Variants in CDH4 observed in about 807,000 individuals in gnomAD.
CDH4 encodes the protein cadherin 4.
Under a neutral mutation model 86.0 loss-of-function variants are expected in CDH4, and 33 were observed. That is an observed-to-expected ratio of 0.38 (90% CI 0.29 to 0.51). The LOEUF is 0.51. Among genes scored for constraint, CDH4 ranks in the 20% least tolerant of loss-of-function variants. The pLI, the probability that CDH4 is intolerant of heterozygous loss-of-function variation, is 0.86. For missense variants in CDH4, 1,114 were observed against 1,307.4 expected, an observed-to-expected ratio of 0.85 and a Z score of 2.28; for synonymous variants, 555 against 549.4, an observed-to-expected ratio of 1.01 and a Z score of -0.14.
At chr20:61,701,376 A>T (rs1254309211) in intron 2 of CDH4, among the ~76,000 whole-genome samples, 4 of 152,230 alleles carry the variant, frequency 2.6e-5, no homozygotes, top group Non-Finnish European at 5.9e-5. Context: ...GAGTGAATGG[A>T]TGTCAGGGTC....
chr20:61,546,373 G>A (rs2086087164), intron 2 of CDH4, among the ~76,000 whole-genome samples: 1 of 151,536 alleles, frequency 6.6e-6, no homozygotes, highest in African/African-American at 2.4e-5. Context: ...TGGGTGTAGG[G>A]GTGAGGTATG....
chr20:61,517,714 C>G lies in CDH4; in HGVS notation c.170-225849C>G, dbSNP rs753304204. ...GAGGGGTTGTCGGACGTGTTCAGGA[C>G]AGGAACAGCACACTCAAGGTCACCA... On this transcript the variant is annotated intron_variant, in intron 2 of 15. Transcript: ENST00000614565. This position sits in a 1 kb window ranked among gnomAD's most constrained non-coding sequence, Gnocchi z 6.6. Among the ~76,000 whole-genome samples the G allele has an allele frequency of 7.2e-5, 11 of 152,168 alleles. No homozygotes were observed. Among genetic ancestry groups the G allele is most frequent in the Non-Finnish European group, 1.5e-4 (10 of 68,030 alleles).
intron 2 of CDH4, among the ~76,000 whole-genome samples, chr20:61,462,183 C>T (rs1487003629): frequency 6.6e-6 from 1 of 152,210 alleles, no homozygotes; most frequent in Non-Finnish European, 1.5e-5. Context: ...GAACCGCCAT[C>T]TCCCAGCCTT....
chr20:61,295,593 C>T (rs1419587414), intron 2 of CDH4, among the ~76,000 whole-genome samples: 1 of 151,622 alleles, frequency 6.6e-6, no homozygotes, highest in Admixed American at 6.6e-5. Context: ...TGCAGACTTG[C>T]GAGTGGCCCT....
chr20:61,829,468 A>C lies in CDH4; in HGVS notation c.577-15200A>C, dbSNP rs1981486084. Among the ~76,000 whole-genome samples, 1 of 152,190 alleles carries C rather than the reference A, an allele frequency of 6.6e-6. No individual in the cohort carries two copies. Among genetic ancestry groups the C allele is most frequent in the Non-Finnish European group, 1.5e-5 (1 of 68,032 alleles). On this transcript the variant is annotated intron_variant, in intron 4 of 15. Transcript: ENST00000614565. This position sits in a 1 kb window ranked among gnomAD's most constrained non-coding sequence, Gnocchi z 4.2. ...TGTGCTGCCGGGCACGTCTGTGTGC[A>C]AGGCTTTCTGTGGACAGATGTTGAT...
intron 2 of CDH4, among the ~76,000 whole-genome samples, chr20:61,565,282 TGG>T (rs2086276989): frequency 1.9e-5 from 2 of 106,662 alleles, no homozygotes; most frequent in Non-Finnish European, 4.0e-5. Flanking sequence ...CTCTTGGTGA[TGG>T]GGTGATGGTG....
intron 2 of CDH4, among the ~76,000 whole-genome samples, chr20:61,569,823 G>C (rs1474236616): frequency 6.6e-6 from 1 of 152,162 alleles, no homozygotes; most frequent in Non-Finnish European, 1.5e-5. Flanking sequence ...TGCTGTTCCT[G>C]CAGAGCCCAG....
intron 2 of CDH4, among the ~76,000 whole-genome samples, chr20:61,661,085 G>GGT (rs2087250013): frequency 6.4e-5 from 2 of 31,346 alleles, no homozygotes; most frequent in African/African-American, 2.6e-4. Flanking sequence ...GAGGCATGGC[G>GGT]GGGGGGGGGG....
intron 2 of CDH4, among the ~76,000 whole-genome samples, chr20:61,325,672 G>A (rs1448068487): frequency 1.3e-5 from 2 of 152,164 alleles, no homozygotes; most frequent in Non-Finnish European, 2.9e-5. Context: ...ACAGCAAAGC[G>A]GGCCCCGACA....
Position 61,596,775 on chromosome 20 carries a change from C to T in CDH4, c.170-146788C>T, listed in dbSNP as rs545644291. On this transcript the variant is annotated intron_variant, in intron 2 of 15. Transcript: ENST00000614565. ...CTCCTCCGTGGGGCTGCCCTGGACT[C>T]CTTTCCAGACTCCTTCCCACCCAGG... 2.6e-5 allele frequency among the ~76,000 whole-genome samples: 4 copies of T among 152,256 alleles called. No homozygotes were observed. The South Asian group carries it at 6.2e-4, about 24-fold the overall frequency.
intron 2 of CDH4, among the ~76,000 whole-genome samples, chr20:61,313,115 A>G (rs1600857641): frequency 6.6e-6 from 1 of 152,180 alleles, no homozygotes; most frequent in East Asian, 1.9e-4. Context: ...CTCTGCTCCA[A>G]CGTGACTGTG....
rs759647875 is a variant in CDH4 at position 61,852,871 on chromosome 20, G to A, written c.850G>A (p.Gly284Ser). 2.7e-5 allele frequency: 44 copies of A among 1,613,652 alleles called. No homozygotes were observed. The highest frequency in any genetic ancestry group is 8.3e-5 in the Admixed American group (5 of 59,992). Residue 284 changes from glycine to serine, a missense_variant, in exon 6 of 16, where the codon GGC becomes AGC. Coordinates refer to ENST00000614565, the MANE Select transcript of CDH4 (RefSeq NM_001794.5). The stretch of plus-strand genomic sequence containing the variant: ...TGAGTTCATCAACCAGGTCTACAAC[G>A]GCTCCGTGGACGAGGGCTCCAAGCC... ...RPEFINQVYN[G>S]SVDEGSKPGT...
chr20:61,293,715 G>A (rs1365633941), intron 2 of CDH4, among the ~76,000 whole-genome samples: 1 of 152,182 alleles, frequency 6.6e-6, no homozygotes, highest in Non-Finnish European at 1.5e-5. Context: ...AGGGAGGTGA[G>A]GACCTCCTAA....
intron 2 of CDH4, chr20:61,570,723 G>A: frequency 1.4e-6 from 1 of 702,370 alleles, no homozygotes; most frequent in African/African-American, 1.7e-5. Context: ...ATGCTTCACG[G>A]AGGCAGGGAA....
chr20:61,862,531 G>A (rs1210244756), intron 6 of CDH4, among the ~76,000 whole-genome samples: 1 of 152,204 alleles, frequency 6.6e-6, no homozygotes, highest in Non-Finnish European at 1.5e-5. Flanking sequence ...TCTCGTCCAG[G>A]GCAGGAGGGC....
At position 61,929,699 on chromosome 20, in the gene CDH4, C is replaced by A; in HGVS notation, c.2096C>A (p.Pro699His). 1 of 1,614,150 alleles carries A rather than the reference C, an allele frequency of 6.2e-7. No homozygotes were observed. Among genetic ancestry groups the A allele is most frequent in the Non-Finnish European group, 8.5e-7 (1 of 1,180,008 alleles). Residue 699 changes from proline to histidine, a missense_variant, in exon 13 of 16, where the codon CCC becomes CAC. By Grantham distance (77) the Pro-to-His change is moderately conservative (BLOSUM62 -2). Coordinates refer to ENST00000614565, the MANE Select transcript of CDH4 (RefSeq NM_001794.5). The part of the protein sequence containing the change: ...PIIVTDSGNP[P>H]LSNTSIIKVK... ...ATCGTCACAGACTCTGGAAACCCTCCCCTGTCCAACACGTCCATCATCAAA... is the reference window on the plus strand; with the variant it reads ...ATCGTCACAGACTCTGGAAACCCTCACCTGTCCAACACGTCCATCATCAAA...
intron 2 of CDH4, among the ~76,000 whole-genome samples, chr20:61,696,615 A>AG (rs1206646642): frequency 6.6e-6 from 1 of 152,140 alleles, no homozygotes; most frequent in African/African-American, 2.4e-5. Context: ...CTGAGGCTTG[A>AG]GGGGGTACTC....
intron 2 of CDH4, among the ~76,000 whole-genome samples, chr20:61,547,968 C>T (rs185012562): frequency 2.2e-4 from 33 of 152,330 alleles, no homozygotes; most frequent in African/African-American, 7.2e-4. Flanking sequence ...AACAAAGTAA[C>T]ACATGCCCTT....
intron 2 of CDH4, among the ~76,000 whole-genome samples, chr20:61,436,825 AG>A (rs1258354694): frequency 6.6e-6 from 1 of 152,142 alleles, no homozygotes; most frequent in Non-Finnish European, 1.5e-5. Flanking sequence ...AAAACCACCC[AG>A]GGGCCAACAG....
Sources: allele counts gnomAD v4.1 joint callset (sites outside exome capture counted in the v4.1 genomes callset), GRCh38; gene constraint gnomAD v4.1.1; non-coding constraint Gnocchi (gnomAD v3.1); transcripts MANE v1.5; gene names NCBI Gene and HGNC (gene_info 2026-07-23, HGNC 2026-07-21).